Variants in RNF150 observed in about 807,000 individuals in gnomAD.
RNF150 encodes the protein ring finger protein 150.
Under a neutral mutation model 39.3 loss-of-function variants are expected in RNF150, and 24 were observed. That is an observed-to-expected ratio of 0.61 (90% confidence interval 0.44 to 0.86). The LOEUF (loss-of-function observed/expected upper bound fraction) is 0.86, where lower values mean the gene tolerates loss of function less well. Among genes scored for constraint, RNF150 ranks in the 40% least tolerant of loss-of-function variants. The pLI is 0.00. For missense variants in RNF150, 502 were observed against 587.8 expected (o/e 0.85, Z 1.51); for synonymous variants, 255 against 227.3 (o/e 1.12, Z -1.10).
rs145580952 is a variant in RNF150 at position 140,911,333 on chromosome 4, C to T, written c.1009G>A (p.Asp337Asn). The change falls in exon 6 of 7, where the codon GAC (aspartate) becomes AAC (asparagine). Residue 337 changes from aspartate to asparagine, a missense_variant. By Grantham distance (23) the Asp-to-Asn change is conservative. Coordinates refer to ENST00000515673, the MANE Select transcript of RNF150 (RefSeq NM_020724.2). ...GAGCCCTCGAAGTCAGTGGGCAAGT[C>T]GTCCATGCAGTCGGCATTGGGCTGA... ...GIPPNADCMD[D>N]LPTDFEGSLG... 1.7e-4 allele frequency: 270 copies of T among 1,613,980 alleles called. No homozygotes were observed. Among genetic ancestry groups the T allele is most frequent in the Non-Finnish European group, 2.1e-4 (253 of 1,180,026 alleles).
At chr4:140,891,217 T>G (rs1276009759) in intron 6 of RNF150, among the ~76,000 whole-genome samples, 1 of 152,220 alleles carries the variant, frequency 6.6e-6, no homozygotes, top group Non-Finnish European at 1.5e-5. Flanking sequence ...CCATCCATTA[T>G]ATTTGATTTA....
chr4:141,097,439 A>C (rs568211665), intron 1 of RNF150, among the ~76,000 whole-genome samples: 19 of 152,320 alleles, frequency 1.2e-4, no homozygotes, highest in African/African-American at 4.3e-4. Flanking sequence ...AATAGCTTAT[A>C]ATAACTATAA....
At chr4:140,894,379 T>G (rs1239072631) in intron 6 of RNF150, among the ~76,000 whole-genome samples, 3 of 152,220 alleles carry the variant, frequency 2.0e-5, no homozygotes, top group African/African-American at 7.2e-5. Context: ...CTAGTTATTG[T>G]TAATATATTC....
intron 1 of RNF150, among the ~76,000 whole-genome samples, chr4:141,058,804 T>C (rs1403306127): frequency 2.0e-5 from 3 of 152,184 alleles, no homozygotes; most frequent in African/African-American, 7.2e-5. Context: ...CCATTTGCCA[T>C]AGTTGCCCCC....
At chr4:140,889,263 T>C (rs181075567) in intron 6 of RNF150, among the ~76,000 whole-genome samples, 13 of 152,322 alleles carry the variant, frequency 8.5e-5, no homozygotes, top group Admixed American at 2.0e-4. Context: ...CATTCCCTTT[T>C]GATAAAATTA....
intron 1 of RNF150, among the ~76,000 whole-genome samples, chr4:141,062,712 T>C (rs933822838): frequency 6.6e-6 from 1 of 152,212 alleles, no homozygotes; most frequent in Non-Finnish European, 1.5e-5. Flanking sequence ...GTAATACATG[T>C]GCAGGTTTGT....
intron 1 of RNF150, among the ~76,000 whole-genome samples, chr4:141,146,011 C>A (rs1727194998): frequency 6.6e-6 from 1 of 152,220 alleles, no homozygotes; most frequent in Non-Finnish European, 1.5e-5. Context: ...TGCTACATAG[C>A]AAGCTTCTCA....
At chr4:140,871,837 G>A (rs1490308940) in intron 6 of RNF150, among the ~76,000 whole-genome samples, 1 of 152,078 alleles carries the variant, frequency 6.6e-6, no homozygotes, top group African/African-American at 2.4e-5. Flanking sequence ...GGGGCCACAG[G>A]GACTGATGTA....
intron 1 of RNF150, among the ~76,000 whole-genome samples, chr4:141,179,827 A>T (rs1174305548): frequency 3.3e-5 from 5 of 152,186 alleles, no homozygotes; most frequent in African/African-American, 1.2e-4. Context: ...AAAACATAAT[A>T]AAAGCCATCA....
chr4:140,870,456 ATG>A (rs36234235), intron 6 of RNF150, among the ~76,000 whole-genome samples: 9,399 of 147,242 alleles, frequency 0.064, 310 homozygotes, highest in Middle Eastern at 0.08. Context: ...TTGTGCGTGT[ATG>A]TGTGTGTGTG....
At chr4:140,967,112 G>A (rs775861294) in intron 2 of RNF150, among the ~76,000 whole-genome samples, 1 of 152,114 alleles carries the variant, frequency 6.6e-6, no homozygotes, top group Non-Finnish European at 1.5e-5. Flanking sequence ...TAAGTGCATA[G>A]AATATCCCTG....
intron 1 of RNF150, among the ~76,000 whole-genome samples, chr4:141,099,554 A>G (rs1410017117): frequency 6.6e-6 from 1 of 152,182 alleles, no homozygotes. Flanking sequence ...ACTTCACCCC[A>G]ACCATGTGTA....
chr4:140,899,685 G>A (rs970117387), intron 6 of RNF150, among the ~76,000 whole-genome samples: 2 of 152,138 alleles, frequency 1.3e-5, no homozygotes, highest in African/African-American at 4.8e-5. Context: ...AAGCATCCTT[G>A]CACACTCAGA....
intron 1 of RNF150, among the ~76,000 whole-genome samples, chr4:141,097,386 G>C (rs2111026170): frequency 6.6e-6 from 1 of 152,270 alleles, no homozygotes; most frequent in South Asian, 2.1e-4. Context: ...CATACATATA[G>C]TTGGGCATAA....
At position 141,105,413 on chromosome 4, in the gene RNF150, A is replaced by G. The variant is rs191500098; in HGVS notation, c.484+26912T>C. On this transcript the variant is annotated intron_variant, in intron 1 of 6. Coordinates refer to ENST00000515673, the MANE Select transcript of RNF150 (RefSeq NM_020724.2). ...CTCTCAGCAGCACTGGCACTGTAAT[A>G]TACATCTTTACTGAAATTCTCTCAT... 2.2e-3 allele frequency among the ~76,000 whole-genome samples: 328 copies of G among 152,296 alleles called. 7 individuals carry two copies. Among genetic ancestry groups the G allele is most frequent in the Admixed American group, 0.021 (323 of 15,294 alleles).
intron 1 of RNF150, among the ~76,000 whole-genome samples, chr4:141,174,734 G>A (rs892994011): frequency 6.6e-6 from 1 of 152,142 alleles, no homozygotes; most frequent in East Asian, 1.9e-4. Context: ...GCTTCTTGCT[G>A]TCTGTAGCAA....
At chr4:140,902,229 G>C (rs1366163090) in intron 6 of RNF150, among the ~76,000 whole-genome samples, 1 of 152,166 alleles carries the variant, frequency 6.6e-6, no homozygotes, top group Non-Finnish European at 1.5e-5. Flanking sequence ...AGAATGAACA[G>C]GGATGGTGAT....
At chr4:140,910,414 A>G (rs1478427702) in intron 6 of RNF150, among the ~76,000 whole-genome samples, 1 of 152,196 alleles carries the variant, frequency 6.6e-6, no homozygotes, top group Non-Finnish European at 1.5e-5. Flanking sequence ...AATAGTAGGT[A>G]CTTTAGATTT....
At chr4:140,956,845 T>C (rs978198687) in intron 2 of RNF150, among the ~76,000 whole-genome samples, 1 of 144,168 alleles carries the variant, frequency 6.9e-6, no homozygotes, top group African/African-American at 2.6e-5. Context: ...GAAAACTGGC[T>C]AGACATATGT....
Sources: gnomAD v4.1 joint callset for allele counts (sites outside exome capture counted in the v4.1 genomes callset) on GRCh38, gnomAD v4.1.1 for gene constraint, MANE v1.5 for transcripts, NCBI Gene and HGNC (gene_info 2026-07-23, HGNC 2026-07-21) for gene names.